HABP4: variants seen among roughly 807,000 people sequenced by gnomAD.
HABP4 encodes hyaluronan binding protein 4.
Under a neutral mutation model 44.1 loss-of-function variants are expected in HABP4, and 32 were observed. The ratio of observed to expected loss-of-function variants is 0.73; its 90% CI spans 0.55 to 0.97. The LOEUF (loss-of-function observed/expected upper bound fraction) is 0.97, where lower values mean the gene tolerates loss of function less well. Among genes scored for constraint, HABP4 ranks in the 50% least tolerant of loss-of-function variants. HABP4 has a pLI of 0.00. For synonymous variants in HABP4, 216 were observed against 218.0 expected (o/e 0.99, Z 0.08); for missense variants, 503 against 561.9 (o/e 0.90, Z 1.06).
intron 5 of HABP4, among the ~76,000 whole-genome samples, chr9:96,478,958 C>G (rs892708072): frequency 1.3e-5 from 2 of 152,086 alleles, no homozygotes; most frequent in Admixed American, 6.6e-5. Context: ...TCCCTAATGA[C>G]TAATAATGTT....
chr9:96,456,778 AAAATATATATATATATATATAT>A (rs1832394564), intron 1 of HABP4, among the ~76,000 whole-genome samples: 5 of 53,224 alleles, frequency 9.4e-5, no homozygotes, highest in East Asian at 1.1e-3. Flanking sequence ...AAAAAAAAAA[AAAATATATATATATATATATAT>A]ATATATATAT....
At chr9:96,458,602 ACTTT>A (rs1381703651) in intron 2 of HABP4, 61 bp downstream of exon 2, 2 of 1,095,448 alleles carry the variant, frequency 1.8e-6, no homozygotes, top group Non-Finnish European at 2.7e-6. Flanking sequence ...AGAAAATGCT[ACTTT>A]CTTTTTCTTT....
chr9:96,460,077 A>G (rs998583926), intron 2 of HABP4, among the ~76,000 whole-genome samples: 4 of 152,208 alleles, frequency 2.6e-5, no homozygotes, highest in Non-Finnish European at 5.9e-5. Context: ...GTTCACTTGC[A>G]CAAACCCATG....
chr9:96,478,034 T>C (rs576258876), intron 5 of HABP4, among the ~76,000 whole-genome samples: 1 of 152,372 alleles, frequency 6.6e-6, no homozygotes, highest in South Asian at 2.1e-4. Context: ...TCCTTTTCAT[T>C]GCAGAGTAGT....
intron 5 of HABP4, among the ~76,000 whole-genome samples, chr9:96,476,218 C>T (rs996271571): frequency 6.6e-6 from 1 of 152,154 alleles, no homozygotes; most frequent in Admixed American, 6.5e-5. Flanking sequence ...TGTGACCTCT[C>T]TCTGCCTCGA....
chr9:96,469,457 T>C (rs1832657903), intron 4 of HABP4, among the ~76,000 whole-genome samples: 1 of 152,224 alleles, frequency 6.6e-6, no homozygotes, highest in Non-Finnish European at 1.5e-5. Flanking sequence ...TCTGCACTAG[T>C]ACAAATGAAG....
intron 1 of HABP4, among the ~76,000 whole-genome samples, chr9:96,457,214 A>G (rs1234892399): frequency 1.3e-5 from 2 of 152,062 alleles, no homozygotes; most frequent in African/African-American, 2.4e-5. Context: ...TGAAAATACA[A>G]CATTAGCCAG....
intron 1 of HABP4, among the ~76,000 whole-genome samples, chr9:96,455,468 A>G (rs1399848272): frequency 6.6e-6 from 1 of 151,052 alleles, no homozygotes; most frequent in Non-Finnish European, 1.5e-5. Context: ...AAAAAAAAAA[A>G]AAAAAAAAAA....
intron 2 of HABP4, among the ~76,000 whole-genome samples, chr9:96,458,749 A>G (rs1268978169): frequency 6.6e-6 from 1 of 151,588 alleles, no homozygotes; most frequent in Non-Finnish European, 1.5e-5. Flanking sequence ...CAGCCTCCCA[A>G]GTAGCTGGGA....
chr9:96,481,999 G>A (rs984726978), intron 5 of HABP4, among the ~76,000 whole-genome samples: 6 of 150,150 alleles, frequency 4.0e-5, no homozygotes, highest in Admixed American at 1.3e-4. Flanking sequence ...GCAGTGGTGC[G>A]ATCTCGGCTC....
chr9:96,456,233 G>T (rs1467199376), intron 1 of HABP4, among the ~76,000 whole-genome samples: 1 of 151,800 alleles, frequency 6.6e-6, no homozygotes, highest in East Asian at 1.9e-4. Context: ...GATCTGTTGT[G>T]CAGCTTTCAC....
Position 96,488,537 on chromosome 9 carries a change from A to G in HABP4, c.1185+263A>G, listed in dbSNP as rs1010757026. On this transcript the variant is annotated intron_variant, in intron 7 of 7. Coordinates refer to ENST00000375249, the MANE Select transcript of HABP4 (RefSeq NM_014282.4). This position sits in a 1 kb window ranked among gnomAD's most constrained non-coding sequence, Gnocchi z 4.6. ...AAACTCACTGTCACCCGCATTAGAC[A>G]AGATCCCCAGGCTTGGGATTGAACT... is the stretch of plus-strand genomic sequence containing the variant. Among the ~76,000 whole-genome samples, 2 of 152,168 alleles carry G rather than the reference A, an allele frequency of 1.3e-5. No homozygotes were observed. Among genetic ancestry groups the G allele is most frequent in the African/African-American group, 4.8e-5 (2 of 41,430 alleles).
At chr9:96,473,539 G>A (rs535567331) in intron 5 of HABP4, among the ~76,000 whole-genome samples, 55 of 152,228 alleles carry the variant, frequency 3.6e-4, no homozygotes, top group African/African-American at 8.2e-4. Context: ...TGTTCACACC[G>A]CATTCTGATT....
At chr9:96,475,445 TG>T (rs1832771631) in intron 5 of HABP4, among the ~76,000 whole-genome samples, 1 of 151,990 alleles carries the variant, frequency 6.6e-6, no homozygotes, top group South Asian at 2.1e-4. Context: ...ATTTGCTGTA[TG>T]CCAAGAACTG....
Position 96,456,783 on chromosome 9 carries a change from ATATATATAT to A in HABP4, c.350-1595_350-1587del, listed in dbSNP as rs1832398216. 8.1e-3 allele frequency among the ~76,000 whole-genome samples: 339 copies of A among 41,810 alleles called. 3 individuals are homozygous for A. Among genetic ancestry groups the A allele is most frequent in the African/African-American group, 0.026 (246 of 9,536 alleles). The allele number at this position is 41,810 out of a possible 152,430, so 27.4% of individuals were successfully genotyped here. A position where few individuals can be genotyped will look rare whatever the true frequency, so the allele number is the denominator to read the frequency against. Reference sequence around the variant, plus strand: ...TCAAAAAAAAAAAAAAAAAAAAAATATATATATATATATATATATATATATATATATATA... The same window carrying A: ...TCAAAAAAAAAAAAAAAAAAAAAATAATATATATATATATATATATATATA... On this transcript the variant is annotated intron_variant, in intron 1 of 7. Coordinates refer to ENST00000375249, the MANE Select transcript of HABP4 (RefSeq NM_014282.4).
intron 5 of HABP4, among the ~76,000 whole-genome samples, chr9:96,475,405 A>AAAAAGAAG (rs1554725958): frequency 2.0e-5 from 3 of 149,890 alleles, no homozygotes; most frequent in African/African-American, 5.1e-5. Context: ...AAAAAAAAAA[A>AAAAAGAAG]AAGAAGAAAA....
chr9:96,466,174 A>T (rs1832598315), intron 4 of HABP4, among the ~76,000 whole-genome samples: 1 of 152,160 alleles, frequency 6.6e-6, no homozygotes, highest in Non-Finnish European at 1.5e-5. Flanking sequence ...GTTTGAGACC[A>T]GCCTGTCCAA....
chr9:96,462,495 C>T (rs569346153), intron 2 of HABP4, among the ~76,000 whole-genome samples: 169 of 151,752 alleles, frequency 1.1e-3, no homozygotes, highest in Non-Finnish European at 1.9e-3. Context: ...CAGCTGTGAT[C>T]TCAACCACTG....
At chr9:96,469,740 C>G (rs1587680499) in intron 4 of HABP4, among the ~76,000 whole-genome samples, 1 of 152,236 alleles carries the variant, frequency 6.6e-6, no homozygotes, top group East Asian at 1.9e-4. Flanking sequence ...CCAGGGTGGT[C>G]TCAATCTCCT....
Sources: allele counts gnomAD v4.1 joint callset (sites outside exome capture counted in the v4.1 genomes callset), GRCh38; gene constraint gnomAD v4.1.1; non-coding constraint Gnocchi (gnomAD v3.1); transcripts MANE v1.5; gene names NCBI Gene and HGNC (gene_info 2026-07-23, HGNC 2026-07-21).